LRP1B: variants seen among roughly 807,000 people sequenced by gnomAD.
LRP1B encodes low-density lipoprotein receptor-related protein 1B.
LRP1B carries 217 observed loss-of-function variants against 556.6 expected under a neutral mutation model. The observed-to-expected ratio is 0.39, with a 90% confidence interval of 0.35 to 0.44. The LOEUF (loss-of-function observed/expected upper bound fraction) is 0.44. Among genes scored for constraint, LRP1B ranks in the 20% least tolerant of loss-of-function variants. LRP1B has a pLI of 1.00. For missense variants in LRP1B, 5,053 were observed against 5,620.8 expected (o/e 0.90, Z 3.23); for synonymous variants, 2,047 against 1,865.8 (o/e 1.10, Z -2.50).
chr2:140,581,155 T>G (rs1355508302), intron 43 of LRP1B, among the ~76,000 whole-genome samples: 4 of 152,188 alleles, frequency 2.6e-5, no homozygotes, highest in Non-Finnish European at 5.9e-5. Flanking sequence ...GAAGACAGAG[T>G]GGGAGGACCT....
intron 35 of LRP1B, among the ~76,000 whole-genome samples, chr2:140,730,202 G>T (rs907049232): frequency 6.6e-6 from 1 of 152,076 alleles, no homozygotes; most frequent in Non-Finnish European, 1.5e-5. Flanking sequence ...CTAAATGGTC[G>T]CCTTCCTTTA....
At chr2:141,179,892 C>CTTTTTT (rs11433781) in intron 7 of LRP1B, among the ~76,000 whole-genome samples, 22 of 125,996 alleles carry the variant, frequency 1.7e-4, no homozygotes, top group Non-Finnish European at 2.7e-4. Context: ...TTGGTTTTTC[C>CTTTTTT]TTTTTTTTTT....
chr2:140,457,416 C>A (rs1328305997), intron 61 of LRP1B, 47 bp downstream of exon 61: 2 of 1,379,988 alleles, frequency 1.4e-6, no homozygotes, highest in Non-Finnish European at 1.0e-6. Flanking sequence ...TGGAATGTTA[C>A]TGAAAGATGT....
At chr2:140,820,864 C>T (rs2564358) in intron 31 of LRP1B, among the ~76,000 whole-genome samples, 1 of 148,038 alleles carries the variant, frequency 6.8e-6, no homozygotes, top group Non-Finnish European at 1.5e-5. Context: ...GCCTGCTTTT[C>T]TTTTCTGCTG....
At chr2:141,372,376 A>T (rs779898673) in intron 3 of LRP1B, among the ~76,000 whole-genome samples, 14 of 152,086 alleles carry the variant, frequency 9.2e-5, no homozygotes, top group Non-Finnish European at 2.1e-4. Context: ...TGGGTTTCAT[A>T]TCAGGGTGAT....
chr2:140,581,072 C>G (rs1428648924), intron 43 of LRP1B, among the ~76,000 whole-genome samples: 1 of 152,152 alleles, frequency 6.6e-6, no homozygotes. Context: ...GTGAGTCCTC[C>G]AGGAGCATGA....
intron 2 of LRP1B, among the ~76,000 whole-genome samples, chr2:141,609,156 GATTT>G (rs1286191931): frequency 1.3e-5 from 2 of 151,990 alleles, no homozygotes; most frequent in African/African-American, 2.4e-5. Flanking sequence ...ATAAAACCCA[GATTT>G]ATTATTTGCT....
At chr2:141,132,440 G>C (rs1203686355) in intron 7 of LRP1B, among the ~76,000 whole-genome samples, 2 of 151,802 alleles carry the variant, frequency 1.3e-5, no homozygotes, top group African/African-American at 4.8e-5. Context: ...GCCATGTTGT[G>C]ACACAGCACA....
intron 27 of LRP1B, among the ~76,000 whole-genome samples, chr2:140,863,961 G>C (rs765845587): frequency 1.1e-4 from 16 of 151,600 alleles, no homozygotes; most frequent in Non-Finnish European, 2.1e-4. Flanking sequence ...AATTCCAAGA[G>C]GAATATATGT....
At chr2:142,055,052 C>T (rs1704613926) in intron 1 of LRP1B, among the ~76,000 whole-genome samples, 1 of 152,096 alleles carries the variant, frequency 6.6e-6, no homozygotes, top group South Asian at 2.1e-4. Flanking sequence ...ACCAAATATA[C>T]ATTATGCTGC....
At chr2:141,665,221 T>C (rs1255061339) in intron 2 of LRP1B, among the ~76,000 whole-genome samples, 2 of 152,142 alleles carry the variant, frequency 1.3e-5, no homozygotes, top group East Asian at 3.9e-4. Context: ...TACAAGGAAT[T>C]TAAGCAAATT....
chr2:141,256,064 A>G (rs558324890), intron 3 of LRP1B, among the ~76,000 whole-genome samples: 2 of 152,160 alleles, frequency 1.3e-5, no homozygotes, highest in African/African-American at 4.8e-5. Context: ...CAGAACAACA[A>G]TATAAAACAA....
At chr2:140,602,339 C>CT (rs1304278036) in intron 41 of LRP1B, among the ~76,000 whole-genome samples, 1 of 152,002 alleles carries the variant, frequency 6.6e-6, no homozygotes, top group Non-Finnish European at 1.5e-5. Context: ...GTAATTATTT[C>CT]TTAAAATTGT....
At chr2:141,587,679 G>T (rs1438985728) in intron 2 of LRP1B, among the ~76,000 whole-genome samples, 1 of 152,008 alleles carries the variant, frequency 6.6e-6, no homozygotes, top group African/African-American at 2.4e-5. Flanking sequence ...AAACCTATGA[G>T]AAATTATTGG....
intron 77 of LRP1B, among the ~76,000 whole-genome samples, chr2:140,343,338 G>C (rs1681489920): frequency 6.6e-6 from 1 of 151,472 alleles, no homozygotes; most frequent in African/African-American, 2.4e-5. Context: ...CAATCTGAAA[G>C]TACTTATTCA....
At chr2:142,041,960 G>A (rs1704081741) in intron 1 of LRP1B, among the ~76,000 whole-genome samples, 1 of 151,446 alleles carries the variant, frequency 6.6e-6, no homozygotes, top group Non-Finnish European at 1.5e-5. Context: ...CCTTGTTGTA[G>A]GGGAAAAGAT....
intron 32 of LRP1B, among the ~76,000 whole-genome samples, chr2:140,782,013 G>C (rs1398563972): frequency 6.6e-6 from 1 of 151,884 alleles, no homozygotes; most frequent in African/African-American, 2.4e-5. Flanking sequence ...GTTTTTGACT[G>C]CATAATTATT....
chr2:141,675,873 A>C (rs1040056103), intron 2 of LRP1B, among the ~76,000 whole-genome samples: 2 of 151,964 alleles, frequency 1.3e-5, no homozygotes, highest in Non-Finnish European at 2.9e-5. Flanking sequence ...TTATGTCTCT[A>C]ATCTTTACAC....
intron 18 of LRP1B, among the ~76,000 whole-genome samples, chr2:140,961,030 T>TC (rs993426986): frequency 2.2e-4 from 34 of 151,162 alleles, no homozygotes; most frequent in African/African-American, 8.2e-4. Flanking sequence ...AATTAACTAC[T>TC]CAAACACTGT....
Sources: gnomAD v4.1 joint callset for allele counts (sites outside exome capture counted in the v4.1 genomes callset) on GRCh38, gnomAD v4.1.1 for gene constraint, MANE v1.5 for transcripts, NCBI Gene and HGNC (gene_info 2026-07-23, HGNC 2026-07-21) for gene names.